The following SNX25 variants were observed in gnomAD, a reference collection of about 807,000 sequenced individuals.
SNX25 encodes the protein sorting nexin 25, also known as sorting nexin-25.
A neutral mutation model predicts 113.7 loss-of-function variants in SNX25; 62 were observed. The ratio of observed to expected loss-of-function variants is 0.55; its 90% CI spans 0.44 to 0.67. The LOEUF (loss-of-function observed/expected upper bound fraction) is 0.67, where lower values mean the gene tolerates loss of function less well. Among genes scored for constraint, SNX25 ranks in the 30% least tolerant of loss-of-function variants. SNX25 has a pLI of 0.00. For missense variants in SNX25, 1,014 were observed against 1,161.0 expected (o/e 0.87, Z 1.84); for synonymous variants, 421 against 436.2 (o/e 0.97, Z 0.43).
At chr4:185,320,150 C>T (rs922836859) in intron 7 of SNX25, among the ~76,000 whole-genome samples, 2 of 152,176 alleles carry the variant, frequency 1.3e-5, no homozygotes, top group Admixed American at 6.5e-5. Context: ...GAATATAAAC[C>T]ATTCTGCTAT....
chr4:185,251,444 C>T (rs1745626078), intron 2 of SNX25, among the ~76,000 whole-genome samples: 1 of 152,058 alleles, frequency 6.6e-6, no homozygotes, highest in Admixed American at 6.6e-5. Context: ...ACTTTTTGTC[C>T]CTATGAATTT....
the SNX25 span, chr4:185,375,487 A>AAATATAAATATATAT: frequency 8.3e-5 from 1 of 12,010 alleles, no homozygotes; most frequent in Non-Finnish European, 1.5e-4. Flanking sequence ...AAAAAAAAAA[A>AAATATAAATATATAT]ATATATATAT....
chr4:185,322,061 T>C lies in SNX25; in HGVS notation c.1476+1197T>C, dbSNP rs187320626. 1.4e-4 allele frequency among the ~76,000 whole-genome samples: 21 copies of C among 152,342 alleles called. No individual in the cohort carries two copies. In the East Asian group the frequency reaches 4.0e-3, roughly 29 times the overall value. ...GGGCAACCGTATATGTATGTATATG[T>C]CTGTAAATGTACACAATAATATCTA... is the stretch of plus-strand genomic sequence containing the variant. On this transcript the variant is annotated intron_variant, in intron 8 of 18. Coordinates refer to ENST00000652585, the MANE Select transcript of SNX25 (RefSeq NM_001378034.2).
intron 1 of SNX25, among the ~76,000 whole-genome samples, chr4:185,223,309 C>T (rs3112904): frequency 0.65 from 99,438 of 152,060 alleles, 32,609 homozygotes; most frequent in East Asian, 0.76. Flanking sequence ...TTATTTTCTT[C>T]AGCTTATCTA....
At chr4:185,270,179 C>T (rs1042026926) in intron 5 of SNX25, among the ~76,000 whole-genome samples, 2 of 152,054 alleles carry the variant, frequency 1.3e-5, no homozygotes, top group Non-Finnish European at 2.9e-5. Context: ...TGGCGAAACC[C>T]CGTCTCTACA....
chr4:185,259,208 T>A, intron 3 of SNX25, 144 bp downstream of exon 3: 1 of 702,102 alleles, frequency 1.4e-6, no homozygotes, highest in Non-Finnish European at 2.3e-6. Flanking sequence ...GGGGAATAAT[T>A]ATGTTCTGGT....
At chr4:185,212,291 T>TA (rs71593611) in intron 1 of SNX25, among the ~76,000 whole-genome samples, 93,587 of 145,458 alleles carry the variant, frequency 0.64, 29,762 homozygotes, top group East Asian at 0.69. Context: ...CCCTGCCTCT[T>TA]AAAAAAAAAA....
chr4:185,336,464 T>C (rs1239862193), intron 10 of SNX25, among the ~76,000 whole-genome samples: 1 of 152,218 alleles, frequency 6.6e-6, no homozygotes, highest in Admixed American at 6.5e-5. Context: ...AATAATAGTC[T>C]CAAATTCCAT....
chr4:185,371,865 C>T (rs1203979166), downstream of SNX25, among the ~76,000 whole-genome samples: 1 of 152,050 alleles, frequency 6.6e-6, no homozygotes, highest in Non-Finnish European at 1.5e-5. Flanking sequence ...AGATGACTGC[C>T]CTGAGCTAGG....
chr4:185,220,548 C>T (rs1472645525), intron 1 of SNX25, among the ~76,000 whole-genome samples: 6 of 143,954 alleles, frequency 4.2e-5, no homozygotes, highest in East Asian at 2.2e-4. Flanking sequence ...AGTGTGCGAT[C>T]GCGGCTTACT....
At chr4:185,370,732 T>G, downstream of SNX25, 1 of 1,614,122 alleles carries the variant, frequency 6.2e-7, no homozygotes. Context: ...GCCATTGCCA[T>G]GCCTCTGCCG....
chr4:185,250,741 T>C (rs920879690), intron 2 of SNX25, among the ~76,000 whole-genome samples: 14 of 151,852 alleles, frequency 9.2e-5, no homozygotes, highest in African/African-American at 2.4e-5. Flanking sequence ...TTTTTTACTT[T>C]TGTGGGGTGG....
At chr4:185,344,592 A>G (rs2095275855) in intron 12 of SNX25, among the ~76,000 whole-genome samples, 2 of 152,218 alleles carry the variant, frequency 1.3e-5, no homozygotes, top group Non-Finnish European at 2.9e-5. Context: ...TCAGAATGAA[A>G]GGAAACACAT....
chr4:185,323,392 A>T, intron 8 of SNX25, 136 bp from the exon 9 acceptor site: 1 of 747,790 alleles, frequency 1.3e-6, no homozygotes, highest in Non-Finnish European at 2.1e-6. Context: ...GACCCTGAAT[A>T]TGGACACAAA....
intron 10 of SNX25, among the ~76,000 whole-genome samples, chr4:185,338,907 C>T (rs1369283924): frequency 6.6e-6 from 1 of 152,136 alleles, no homozygotes; most frequent in Non-Finnish European, 1.5e-5. Context: ...AGTCTGAGTC[C>T]TCCAACTTCG....
intron 5 of SNX25, among the ~76,000 whole-genome samples, chr4:185,268,644 G>A (rs2126553539): frequency 6.6e-6 from 1 of 152,282 alleles, no homozygotes; most frequent in South Asian, 2.1e-4. Flanking sequence ...ATTAGTCGAG[G>A]TTTTTAAACT....
At chr4:185,251,636 T>TGTGC (rs1418826090) in intron 2 of SNX25, among the ~76,000 whole-genome samples, 15 of 134,728 alleles carry the variant, frequency 1.1e-4, no homozygotes, top group South Asian at 2.5e-4. Context: ...TGTGTGTGTG[T>TGTGC]GCCACATTTT....
At chr4:185,350,772 G>C (rs747714129) in intron 13 of SNX25, among the ~76,000 whole-genome samples, 1 of 152,216 alleles carries the variant, frequency 6.6e-6, no homozygotes, top group Non-Finnish European at 1.5e-5. Context: ...TGAGGCAGGA[G>C]AATTGCTGGA....
chr4:185,377,105 C>A, the SNX25 span: 4 of 939,932 alleles, frequency 4.3e-6, no homozygotes, highest in Non-Finnish European at 6.8e-6. Flanking sequence ...ATCCATCTAA[C>A]ACTGTTGACA....
Sources: gnomAD v4.1 joint callset for allele counts (sites outside exome capture counted in the v4.1 genomes callset) on GRCh38, gnomAD v4.1.1 for gene constraint, MANE v1.5 for transcripts, NCBI Gene and HGNC (gene_info 2026-07-23, HGNC 2026-07-21) for gene names.